MSLN: variants seen among roughly 807,000 people sequenced by gnomAD.
The protein encoded by MSLN is CAK1 antigen.
MSLN carries 82 observed loss-of-function variants against 72.6 expected under a neutral mutation model. The observed-to-expected ratio is 1.13, with a 90% CI of 0.94 to 1.36. The LOEUF (loss-of-function observed/expected upper bound fraction) is 1.36. Ranked by LOEUF, MSLN falls within the 40% of genes most tolerant of loss-of-function variation. The probability of loss-of-function intolerance (pLI) is 0.00; values close to 1 mark genes in which losing one functional copy is unlikely to be tolerated. For missense variants in MSLN, 1,005 were observed against 847.9 expected (o/e 1.19, Z -2.30); for synonymous variants, 456 against 387.3 (o/e 1.18, Z -2.08).
In MSLN at chr16:766,816, T is replaced by G. The variant is rs1462039353; in HGVS notation, c.1373+6T>G. On this transcript the variant is annotated splice_donor_region_variant and intron_variant, in intron 14 of 17. Coordinates refer to ENST00000545450, the MANE Select transcript of MSLN (RefSeq NM_005823.6). Reference sequence around the variant, plus strand: ...GTGCCCCCCAGCAGCATCTGGTGAGTCCCCAGAACTCTGCCCGGCAAGGTG... The same window carrying G: ...GTGCCCCCCAGCAGCATCTGGTGAGGCCCCAGAACTCTGCCCGGCAAGGTG... The G allele has an allele frequency of 6.2e-7, 1 of 1,612,214 alleles. No individual in the cohort carries two copies.
chr16:768,652 C>A lies in MSLN; in HGVS notation c.1788C>A (p.Ala596=). Residue 596 remains alanine (A), a synonymous_variant, in exon 18 of 18, where the codon GCC becomes GCA. Coordinates refer to ENST00000545450, the MANE Select transcript of MSLN (RefSeq NM_005823.6). The part of the protein sequence containing the change: ...YLVLDLSMQE[A]LSGTPCLLGP... ...GAGTCACCCCTCTCTCTGTAGAGGC[C>A]CTCTCGGGGACGCCCTGCCTCCTAG... 1 of 1,611,160 alleles carries A rather than the reference C, an allele frequency of 6.2e-7. No homozygotes were observed. Among genetic ancestry groups the A allele is most frequent in the Non-Finnish European group, 8.5e-7 (1 of 1,179,522 alleles).
intron 7 of MSLN, 83 bp downstream of exon 7, chr16:764,809 C>T: frequency 6.3e-7 from 1 of 1,582,578 alleles, no homozygotes; most frequent in Non-Finnish European, 8.6e-7. Flanking sequence ...GCCTCGGATC[C>T]CAGGCCACAG....
intron 2 of MSLN, among the ~76,000 whole-genome samples, chr16:762,318 A>G (rs1296411661): frequency 6.6e-6 from 1 of 152,188 alleles, no homozygotes; most frequent in African/African-American, 2.4e-5. Context: ...CTCCTGTGCG[A>G]GAGTGGGGAG....
In MSLN at chr16:765,581, C is replaced by T. The variant is rs768825488; in HGVS notation, c.759C>T (p.Pro253=). ...TGGACGCTCTGCGGGGCCTGCTGCCCGTGCTGGGCCAGCCCATCATCCGCA... is the reference window on the plus strand; with the variant it reads ...TGGACGCTCTGCGGGGCCTGCTGCCTGTGCTGGGCCAGCCCATCATCCGCA... The part of the protein sequence containing the change: ...STMDALRGLL[P]VLGQPIIRSI... Residue 253 remains proline (P), a synonymous_variant, in exon 10 of 18, where the codon CCC becomes CCT. Coordinates refer to ENST00000545450, the MANE Select transcript of MSLN (RefSeq NM_005823.6). 67 of 1,605,734 alleles carry T rather than the reference C, an allele frequency of 4.2e-5. 1 individual carries two copies. Among genetic ancestry groups the T allele is most frequent in the Middle Eastern group, 1.6e-4 (1 of 6,074 alleles).
At chr16:763,418 G>T in intron 4 of MSLN, 142 bp downstream of exon 4, 1 of 880,032 alleles carries the variant, frequency 1.1e-6, no homozygotes, top group Non-Finnish European at 1.8e-6. Flanking sequence ...ACCTGCATGT[G>T]ACTGGCCTGG....
chr16:763,976 T>G (rs1440423013), intron 5 of MSLN, 47 bp from the exon 6 acceptor site: 1 of 1,588,590 alleles, frequency 6.3e-7, no homozygotes, highest in Admixed American at 1.7e-5. Context: ...GGGTGGACAT[T>G]GCAGGGGAGG....
intron 13 of MSLN, 75 bp from the exon 14 acceptor site, chr16:766,593 C>T (rs370598321): frequency 2.4e-5 from 38 of 1,609,110 alleles, no homozygotes; most frequent in Middle Eastern, 1.7e-4. Context: ...GTCAGGGGCA[C>T]GGCCTGAGGT....
chr16:763,132 T>G, intron 3 of MSLN, 101 bp from the exon 4 acceptor site: 1 of 749,440 alleles, frequency 1.3e-6, no homozygotes, highest in Non-Finnish European at 2.2e-6. Context: ...TGCACAGGGC[T>G]GGCTGTGGGG....
At chr16:762,193 C>T (rs565085420) in intron 2 of MSLN, among the ~76,000 whole-genome samples, 4 of 152,306 alleles carry the variant, frequency 2.6e-5, no homozygotes, top group Admixed American at 2.6e-4. Flanking sequence ...GCCCCTCCTG[C>T]CTCAAGGGTG....
chr16:763,368 T>G, intron 4 of MSLN, 92 bp downstream of exon 4: 1 of 1,151,200 alleles, frequency 8.7e-7, no homozygotes, highest in South Asian at 1.4e-5. Flanking sequence ...CCACGGTGCT[T>G]GCCAGTTTCC....
In MSLN at chr16:765,134, G is replaced by A. The variant is rs766056830; in HGVS notation, c.535G>A (p.Glu179Lys). 3.7e-6 allele frequency: 6 copies of A among 1,604,042 alleles called. No individual in the cohort carries two copies. Among genetic ancestry groups the A allele is most frequent in the Non-Finnish European group, 4.2e-6 (5 of 1,178,330 alleles). ...GGGTGTGCGGGGGTCTCTGCTGAGC[G>A]AGGCTGATGTGCGGGCTCTGGGAGG... ...CWGVRGSLLSEADVRALGGLA... is the reference protein window; with the variant it reads ...CWGVRGSLLSKADVRALGGLA... The change falls in exon 9 of 18, where the codon GAG becomes AAG. Residue 179 changes from glutamate to lysine, a missense_variant. Transcript: ENST00000545450.
rs376378810 is a variant in MSLN at position 765,741 on chromosome 16, G to A, written c.846G>A (p.Arg282=). 7 of 1,600,800 alleles carry A rather than the reference G, an allele frequency of 4.4e-6. No homozygotes were observed. The South Asian group carries it at 6.6e-5, about 15-fold the overall frequency. ...GCTCCTCTCGGGACCCATCCTGGCG[G>A]CAGCCTGAACGGACCATCCTCCGGC... ...RQRSSRDPSW[R]QPERTILRPR... is the part of the protein sequence containing the mutation. Residue 282 remains arginine (R), a synonymous_variant, in exon 11 of 18, where the codon CGG becomes CGA. Transcript: ENST00000545450.
In MSLN at chr16:765,725, G is replaced by A. The variant is rs561112695; in HGVS notation, c.830G>A (p.Arg277Gln). ...IVAAWRQRSS[R>Q]DPSWRQPERT... ...GCCGCGTGGCGGCAACGCTCCTCTCGGGACCCATCCTGGCGGCAGCCTGAA... is the reference window on the plus strand; with the variant it reads ...GCCGCGTGGCGGCAACGCTCCTCTCAGGACCCATCCTGGCGGCAGCCTGAA... Residue 277 changes from arginine to glutamine, a missense_variant, in exon 11 of 18, where the codon CGG becomes CAG. Arg to Gln is a conservative substitution (Grantham distance 43, BLOSUM62 1). Transcript: ENST00000545450. 2.5e-4 allele frequency: 402 copies of A among 1,601,020 alleles called. 5 individuals are homozygous for A. The South Asian group carries it at 4.0e-3, about 16-fold the overall frequency.
rs760446481 is a variant in MSLN at position 765,776 on chromosome 16, G to A, written c.881G>A (p.Arg294Gln). The A allele has an allele frequency of 1.8e-5, 28 of 1,598,996 alleles. No individual in the cohort carries two copies. Among genetic ancestry groups the A allele is most frequent in the African/African-American group, 1.5e-4 (11 of 74,916 alleles). ...CGGACCATCCTCCGGCCGCGGTTCCGGCGGGAAGTGGAGAGTGAGTGCCGT... is the reference window on the plus strand; with the variant it reads ...CGGACCATCCTCCGGCCGCGGTTCCAGCGGGAAGTGGAGAGTGAGTGCCGT... ...PERTILRPRF[R>Q]REVEKTACPS... is the part of the protein sequence containing the mutation. The change falls in exon 11 of 18, where the codon CGG becomes CAG. Residue 294 changes from arginine (R) to glutamine (Q), a missense_variant. Arg to Gln is a conservative substitution (Grantham distance 43). Transcript: ENST00000545450.
At position 762,657 on chromosome 16, in the gene MSLN, C is replaced by T. The variant is rs1274991070; in HGVS notation, c.-9-15C>T. 1 of 1,598,354 alleles carries T rather than the reference C, an allele frequency of 6.3e-7. No homozygotes were observed. The highest frequency in any genetic ancestry group is 8.6e-7 in the Non-Finnish European group (1 of 1,166,952). On this transcript the variant is annotated splice_polypyrimidine_tract_variant and intron_variant, in intron 2 of 17. Transcript: ENST00000545450. The stretch of plus-strand genomic sequence containing the variant: ...GGGAGCAGGGGGTCCCATCCTGAGT[C>T]ACTGCCCTCCACAGACACAGACCAT...
chr16:768,827 C>T lies in MSLN; in HGVS notation c.*94C>T, dbSNP rs780201042. 25 of 1,243,222 alleles carry T rather than the reference C, an allele frequency of 2.0e-5. No homozygotes were observed. Among genetic ancestry groups the T allele is most frequent in the African/African-American group, 1.3e-4 (9 of 66,928 alleles). 77.0% of individuals were successfully genotyped at this position (1,243,222 alleles called of 1,614,324 possible). A position where few individuals can be genotyped will look rare whatever the true frequency, so the allele number is the denominator to read the frequency against. On this transcript the variant is annotated 3_prime_UTR_variant, in exon 18 of 18. Coordinates refer to ENST00000545450, the MANE Select transcript of MSLN (RefSeq NM_005823.6). ...GTCCCCGTTCCACCCCAAGAGAACT[C>T]GCGCTCAGTAAACGGGAACATGCCC...
At chr16:764,496 G>A (rs1343807414) in intron 6 of MSLN, 151 bp from the exon 7 acceptor site, 13 of 786,436 alleles carry the variant, frequency 1.7e-5, no homozygotes, top group Non-Finnish European at 2.2e-5. Flanking sequence ...CATCCCCCAG[G>A]GCAGCGCTGC....
chr16:767,226 T>A, intron 15 of MSLN, 150 bp from the exon 16 acceptor site: 1 of 1,084,482 alleles, frequency 9.2e-7, no homozygotes, highest in Non-Finnish European at 1.4e-6. Context: ...CTCCCACGCC[T>A]GGGGGTCAGG....
At position 765,152 on chromosome 16, in the gene MSLN, C is replaced by A. The variant is rs1299651132; in HGVS notation, c.553C>A (p.Leu185Met). Residue 185 changes from leucine (L) to methionine (M), a missense_variant, in exon 9 of 18, where the codon CTG (leucine) becomes ATG (methionine). Physicochemically the swap from Leu to Met is conservative, Grantham distance 15 (BLOSUM62 2). Transcript: ENST00000545450. ...SLLSEADVRA[L>M]GGLACDLPGR... The stretch of plus-strand genomic sequence containing the variant: ...GCTGAGCGAGGCTGATGTGCGGGCT[C>A]TGGGAGGCCTGGCTTGCGACCTGCC... The A allele has an allele frequency of 1.9e-6, 3 of 1,603,288 alleles. No individual in the cohort carries two copies. Among genetic ancestry groups the A allele is most frequent in the Non-Finnish European group, 2.5e-6 (3 of 1,178,906 alleles).
Sources: allele counts gnomAD v4.1 joint callset (sites outside exome capture counted in the v4.1 genomes callset), GRCh38; gene constraint gnomAD v4.1.1; transcripts MANE v1.5; gene names NCBI Gene and HGNC (gene_info 2026-07-23, HGNC 2026-07-21).